EPB41L4A: variants seen among roughly 807,000 people sequenced by gnomAD.
EPB41L4A encodes the protein band 4.1-like protein 4A.
EPB41L4A carries 100 observed loss-of-function variants against 108.6 expected under a neutral mutation model. That is an observed-to-expected ratio of 0.92 (90% CI 0.78 to 1.09). The LOEUF (loss-of-function observed/expected upper bound fraction) is 1.09. Among genes scored for constraint, EPB41L4A ranks in the 50% least tolerant of loss-of-function variants. EPB41L4A has a pLI of 0.00. For missense variants in EPB41L4A, 1,030 were observed against 842.7 expected (o/e 1.22, Z -2.75); for synonymous variants, 319 against 289.0 (o/e 1.10, Z -1.05).
intron 1 of EPB41L4A, among the ~76,000 whole-genome samples, chr5:112,346,934 C>T (rs1386432583): frequency 6.6e-6 from 1 of 152,158 alleles, no homozygotes; most frequent in East Asian, 1.9e-4. Flanking sequence ...TCTGAACACC[C>T]AGGAGAAGGA....
At chr5:112,184,993 A>G (rs1304486807) in intron 17 of EPB41L4A, among the ~76,000 whole-genome samples, 1 of 152,186 alleles carries the variant, frequency 6.6e-6, no homozygotes, top group African/African-American at 2.4e-5. Context: ...CCGAGGTATC[A>G]AGTCTTTCAA....
intron 9 of EPB41L4A, 135 bp from the exon 10 acceptor site, chr5:112,240,945 T>C (rs1447054373): frequency 3.6e-6 from 2 of 549,152 alleles, no homozygotes; most frequent in Non-Finnish European, 6.4e-6. Flanking sequence ...TAACTGTCTC[T>C]TGGTAACTAT....
At chr5:112,334,605 C>A (rs1283081482) in intron 1 of EPB41L4A, among the ~76,000 whole-genome samples, 1 of 152,172 alleles carries the variant, frequency 6.6e-6, no homozygotes, top group Non-Finnish European at 1.5e-5. Context: ...TTAAATTCCC[C>A]TATGACATGT....
chr5:112,255,934 C>G (rs1751055881), intron 9 of EPB41L4A, among the ~76,000 whole-genome samples: 1 of 152,132 alleles, frequency 6.6e-6, no homozygotes, highest in Non-Finnish European at 1.5e-5. Context: ...GATGATAGCT[C>G]TATACTTATA....
Position 112,266,347 on chromosome 5 carries a change from AAG to A in EPB41L4A, c.336-19_336-18del. Reference sequence around the variant, plus strand: ...AACTGATATCTAAAAGAGAAACAAAAAGAGAGATTAACGATCTCTTACACTAC... The same window carrying A: ...AACTGATATCTAAAAGAGAAACAAAAAGAGATTAACGATCTCTTACACTAC... On this transcript the variant is annotated intron_variant, in intron 4 of 22. Transcript: ENST00000261486. The A allele has an allele frequency of 6.5e-7, 1 of 1,549,622 alleles. No homozygotes were observed. Among genetic ancestry groups the A allele is most frequent in the Non-Finnish European group, 8.8e-7 (1 of 1,139,734 alleles).
At chr5:112,146,335 T>G (rs1051098425) in intron 12 of EPB41L4A, among the ~76,000 whole-genome samples, 1 of 152,198 alleles carries the variant, frequency 6.6e-6, no homozygotes, top group Non-Finnish European at 1.5e-5. Flanking sequence ...CAATTCTCTT[T>G]CAGTGGCTAA....
In EPB41L4A at chr5:112,168,789, C is replaced by T; in HGVS notation, c.1882G>A (p.Val628Met). The change falls in exon 22 of 23, where the codon GTG becomes ATG. Residue 628 changes from valine to methionine, a missense_variant. Coordinates refer to ENST00000261486, the MANE Select transcript of EPB41L4A (RefSeq NM_022140.5). Reference sequence around the variant, plus strand: ...CCCTGAGCATCCGAAGAACGGGTCACCGGAAGTGGTGGTACAAGATCTGTT... The same window carrying T: ...CCCTGAGCATCCGAAGAACGGGTCATCGGAAGTGGTGGTACAAGATCTGTT... ...SKTDLVPPLPVTRSSDAQGSG... is the reference protein window; with the variant it reads ...SKTDLVPPLPMTRSSDAQGSG... 1.9e-6 allele frequency: 3 copies of T among 1,614,082 alleles called. No individual in the cohort carries two copies. The highest frequency in any genetic ancestry group is 2.2e-5 in the South Asian group (2 of 91,078).
intron 18 of EPB41L4A, among the ~76,000 whole-genome samples, chr5:112,180,009 G>T (rs993867033): frequency 1.3e-5 from 2 of 152,022 alleles, no homozygotes; most frequent in African/African-American, 4.8e-5. Flanking sequence ...AAAATCCTTT[G>T]TTCTTCTATA....
chr5:112,154,129 TA>T (rs1167164604), intron 12 of EPB41L4A, among the ~76,000 whole-genome samples: 4 of 152,172 alleles, frequency 2.6e-5, no homozygotes, highest in Non-Finnish European at 4.4e-5. Flanking sequence ...AGTGTGGATA[TA>T]AACTGGCTAA....
intron 1 of EPB41L4A, among the ~76,000 whole-genome samples, chr5:112,357,355 G>A (rs1398753942): frequency 1.4e-5 from 2 of 147,792 alleles, no homozygotes; most frequent in South Asian, 2.1e-4. Context: ...GGCCTTTACA[G>A]AAATGTTCTA....
chr5:112,244,605 T>C (rs1180738220), intron 9 of EPB41L4A, among the ~76,000 whole-genome samples: 1 of 152,184 alleles, frequency 6.6e-6, no homozygotes, highest in Non-Finnish European at 1.5e-5. Flanking sequence ...TCATCAGATA[T>C]GATGTCTACA....
chr5:112,213,982 C>T (rs1376657144), intron 12 of EPB41L4A, among the ~76,000 whole-genome samples: 1 of 152,208 alleles, frequency 6.6e-6, no homozygotes, highest in African/African-American at 2.4e-5. Context: ...GATAGCTAAT[C>T]AATTCAGTAA....
intron 1 of EPB41L4A, among the ~76,000 whole-genome samples, chr5:112,398,660 A>T (rs1241382412): frequency 6.6e-6 from 1 of 152,158 alleles, no homozygotes; most frequent in African/African-American, 2.4e-5. Flanking sequence ...AAGTGCTGGG[A>T]TTACAGGCTT....
At chr5:112,217,478 C>T (rs1356313930) in intron 12 of EPB41L4A, among the ~76,000 whole-genome samples, 2 of 152,018 alleles carry the variant, frequency 1.3e-5, no homozygotes, top group East Asian at 1.9e-4. Context: ...GCAGGAGGGT[C>T]GCTTGAGGCT....
At chr5:112,147,373 C>T (rs1372048241) in intron 12 of EPB41L4A, among the ~76,000 whole-genome samples, 2 of 152,144 alleles carry the variant, frequency 1.3e-5, no homozygotes, top group Non-Finnish European at 2.9e-5. Context: ...GGTGCGGTGA[C>T]TCACGCCTGT....
chr5:112,310,441 A>C (rs1754974678), intron 1 of EPB41L4A, among the ~76,000 whole-genome samples: 1 of 152,328 alleles, frequency 6.6e-6, no homozygotes, highest in African/African-American at 2.4e-5. Context: ...TTTTGAGAAC[A>C]TGCACCCTGT....
chr5:112,205,529 GAAAT>G (rs1400568401), intron 13 of EPB41L4A, 25 bp from the exon 14 acceptor site: 1 of 1,509,032 alleles, frequency 6.6e-7, no homozygotes, highest in Admixed American at 1.9e-5. Context: ...AAAAGTATGA[GAAAT>G]AAATTAAGTA....
intron 12 of EPB41L4A, among the ~76,000 whole-genome samples, chr5:112,227,627 C>T (rs867753729): frequency 6.6e-6 from 1 of 152,164 alleles, no homozygotes; most frequent in Non-Finnish European, 1.5e-5. Flanking sequence ...CTGATACATC[C>T]GTCTCTATTC....
intron 12 of EPB41L4A, among the ~76,000 whole-genome samples, chr5:112,154,510 T>C (rs180907416): frequency 5.2e-4 from 79 of 152,334 alleles, no homozygotes; most frequent in Non-Finnish European, 9.1e-4. Flanking sequence ...GATAGTTTTT[T>C]CTTCAATACT....
Sources: allele counts gnomAD v4.1 joint callset (sites outside exome capture counted in the v4.1 genomes callset), GRCh38; gene constraint gnomAD v4.1.1; transcripts MANE v1.5; gene names NCBI Gene and HGNC (gene_info 2026-07-23, HGNC 2026-07-21).